The following BTBD9 variants were observed in gnomAD, a reference collection of about 807,000 sequenced individuals.
BTBD9 encodes BTB/POZ domain-containing protein 9.
Under a neutral mutation model 64.3 loss-of-function variants are expected in BTBD9, and 49 were observed. The ratio of observed to expected loss-of-function variants is 0.76; its 90% CI spans 0.61 to 0.97. BTBD9 has a LOEUF of 0.97. Among genes scored for constraint, BTBD9 ranks in the 50% least tolerant of loss-of-function variants. BTBD9 has a pLI of 0.00. For synonymous variants in BTBD9, 260 were observed against 274.7 expected (o/e 0.95, Z 0.53); for missense variants, 598 against 762.1 (o/e 0.78, Z 2.53).
At chr6:38,331,060 A>T (rs1763655865) in intron 7 of BTBD9, among the ~76,000 whole-genome samples, 1 of 152,260 alleles carries the variant, frequency 6.6e-6, no homozygotes, top group Admixed American at 6.5e-5. Context: ...ACTCAAAATT[A>T]AAAATATCTA....
chr6:38,587,691 T>C, intron 4 of BTBD9: 1 of 628,702 alleles, frequency 1.6e-6, no homozygotes, highest in Non-Finnish European at 3.0e-6. Flanking sequence ...ACTTATTGGA[T>C]AGCTTGGAAC....
chr6:38,269,950 C>T (rs936262534), intron 8 of BTBD9, among the ~76,000 whole-genome samples: 1 of 152,154 alleles, frequency 6.6e-6, no homozygotes, highest in Non-Finnish European at 1.5e-5. Context: ...GGCAAGCTAC[C>T]AGGGTAAACC....
chr6:38,294,830 C>CAA (rs35937473), intron 7 of BTBD9, among the ~76,000 whole-genome samples: 20 of 132,390 alleles, frequency 1.5e-4, no homozygotes, highest in Admixed American at 8.3e-4. Context: ...AATTTTGTGC[C>CAA]AAAAAAAAAA....
intron 7 of BTBD9, among the ~76,000 whole-genome samples, chr6:38,337,106 C>T (rs228179): frequency 0.66 from 100,355 of 152,088 alleles, 34,468 homozygotes; most frequent in East Asian, 0.95. Flanking sequence ...CATTAAGGCC[C>T]TTAAGGCCCC....
intron 6 of BTBD9, among the ~76,000 whole-genome samples, chr6:38,399,924 T>TTG (rs1178605134): frequency 6.6e-6 from 1 of 151,718 alleles, no homozygotes; most frequent in Non-Finnish European, 1.5e-5. Context: ...GCTAATTTTT[T>TTG]TTTTTTTTTG....
chr6:38,193,801 G>A (rs1308002766), intron 9 of BTBD9: 2 of 984,846 alleles, frequency 2.0e-6, no homozygotes, highest in Admixed American at 1.2e-4. Context: ...AAATATATAT[G>A]TATTTGCAGT....
intron 6 of BTBD9, among the ~76,000 whole-genome samples, chr6:38,546,945 G>A (rs1384463241): frequency 6.6e-6 from 1 of 152,170 alleles, no homozygotes; most frequent in Non-Finnish European, 1.5e-5. Flanking sequence ...GGGATTACAG[G>A]CATGAGCCAC....
At chr6:38,518,336 C>T (rs1222670815) in intron 6 of BTBD9, among the ~76,000 whole-genome samples, 2 of 152,206 alleles carry the variant, frequency 1.3e-5, no homozygotes, top group African/African-American at 4.8e-5. Flanking sequence ...CCTTTACAGG[C>T]ATAGATCTTG....
chr6:38,417,143 G>T (rs996905722), intron 6 of BTBD9, among the ~76,000 whole-genome samples: 1 of 152,128 alleles, frequency 6.6e-6, no homozygotes, highest in East Asian at 1.9e-4. Flanking sequence ...TGGAGACAGG[G>T]TCTCACTATG....
At chr6:38,463,221 A>G (rs1454133013) in intron 6 of BTBD9, among the ~76,000 whole-genome samples, 1 of 152,236 alleles carries the variant, frequency 6.6e-6, no homozygotes, top group East Asian at 1.9e-4. Flanking sequence ...ATTTTTGTAC[A>G]GTGATTTGTA....
chr6:38,210,529 CGTGTGTTTGT>C (rs1223446699), intron 9 of BTBD9, among the ~76,000 whole-genome samples: 15 of 103,980 alleles, frequency 1.4e-4, no homozygotes, highest in African/African-American at 5.3e-4. Context: ...TGGGAGAGTG[CGTGTGTTTGT>C]GTGTGTGTGT....
chr6:38,631,465 T>C (rs1056566132), intron 1 of BTBD9, among the ~76,000 whole-genome samples: 4 of 152,320 alleles, frequency 2.6e-5, no homozygotes, highest in African/African-American at 4.8e-5. Flanking sequence ...AAATCAAATA[T>C]AGAAGGAGTA....
intron 6 of BTBD9, among the ~76,000 whole-genome samples, chr6:38,376,172 A>G (rs1765691977): frequency 6.6e-6 from 1 of 152,198 alleles, no homozygotes; most frequent in Non-Finnish European, 1.5e-5. Flanking sequence ...CAGATGTTAT[A>G]CAAAGTAAAG....
At chr6:38,581,146 C>T (rs971684602) in intron 4 of BTBD9, among the ~76,000 whole-genome samples, 21 of 152,120 alleles carry the variant, frequency 1.4e-4, no homozygotes, top group African/African-American at 5.1e-4. Context: ...GAGCTGAGAT[C>T]GCGCCATTGC....
intron 1 of BTBD9, among the ~76,000 whole-genome samples, chr6:38,636,040 C>T (rs1048175176): frequency 1.3e-5 from 2 of 152,132 alleles, no homozygotes; most frequent in African/African-American, 4.8e-5. Flanking sequence ...CAACAGCTGC[C>T]ATTTATTATA....
chr6:38,604,938 T>C (rs1777378867), intron 1 of BTBD9, among the ~76,000 whole-genome samples: 3 of 152,306 alleles, frequency 2.0e-5, no homozygotes, highest in Admixed American at 2.0e-4. Flanking sequence ...GCTCAAGTGC[T>C]TTTCCCGCCT....
intron 8 of BTBD9, among the ~76,000 whole-genome samples, chr6:38,273,287 A>G (rs1765256031): frequency 6.6e-6 from 1 of 152,164 alleles, no homozygotes; most frequent in Non-Finnish European, 1.5e-5. Flanking sequence ...GGTGCATTCC[A>G]AGACCCCCCA....
chr6:38,274,194 G>A (rs1287511294), intron 8 of BTBD9, among the ~76,000 whole-genome samples: 1 of 152,170 alleles, frequency 6.6e-6, no homozygotes, highest in African/African-American at 2.4e-5. Context: ...TGTTATTGGT[G>A]TATAAAAATG....
At chr6:38,601,069 C>T (rs1359288023) in intron 1 of BTBD9, among the ~76,000 whole-genome samples, 2 of 151,998 alleles carry the variant, frequency 1.3e-5, no homozygotes, top group Non-Finnish European at 1.5e-5. Flanking sequence ...AAAAGATGCT[C>T]GAGTCCCACT....
Sources: allele counts gnomAD v4.1 joint callset (sites outside exome capture counted in the v4.1 genomes callset), GRCh38; gene constraint gnomAD v4.1.1; transcripts MANE v1.5; gene names NCBI Gene and HGNC (gene_info 2026-07-23, HGNC 2026-07-21).